Variants in ERAP1 observed in about 807,000 individuals in gnomAD.
ERAP1 encodes the protein endoplasmic reticulum aminopeptidase 1.
In ERAP1, 86 loss-of-function variants were observed where a neutral mutation model predicts 103.7. That is an observed-to-expected ratio of 0.83 (90% CI 0.70 to 0.99). The LOEUF is 0.99. Ranked by LOEUF, ERAP1 falls within the 50% of genes least tolerant of loss-of-function variation. ERAP1 has a pLI of 0.00. For synonymous variants in ERAP1, 398 were observed against 402.4 expected, an observed-to-expected ratio of 0.99 and a Z score of 0.13; for missense variants, 1,009 against 1,128.4, an observed-to-expected ratio of 0.89 and a Z score of 1.52.
rs1389162563 is a variant in ERAP1, at chr5:96,765,941, A to G, written c.2819-2713T>C. 4.5e-6 allele frequency: 3 copies of G among 662,610 alleles called. No homozygotes were observed. In the African/African-American group the frequency reaches 5.4e-5, roughly 12 times the overall value. The allele number at this position is 662,610 out of a possible 1,614,324, so 41.0% of individuals were successfully genotyped here. A position where few individuals can be genotyped will look rare whatever the true frequency, so the allele number is the denominator to read the frequency against. The stretch of plus-strand genomic sequence containing the variant: ...GTTGCTTAAAAAATAAAAACAGACC[A>G]TATGTTTTGCCTCATGAAAGTACAA... On this transcript the variant is annotated intron_variant, in intron 19 of 19. Transcript: ENST00000296754.
At position 96,785,858 on chromosome 5, in the gene ERAP1, T is replaced by C. The variant is rs1482027370; in HGVS notation, c.1873A>G (p.Lys625Glu). Residue 625 changes from lysine (K) to glutamate (E), a missense_variant, in exon 13 of 19, where the codon AAA becomes GAA. Physicochemically the swap from Lys to Glu is moderately conservative, Grantham distance 56 (BLOSUM62 1). Around this residue, in one of 3 missense-constraint regions of ERAP1, gnomAD observed 611 missense variants for 651.7 expected, o/e 0.94. Coordinates refer to ENST00000443439, the MANE Select transcript of ERAP1 (RefSeq NM_001040458.3). ...DGWDSLTGLL[K>E]GTHTAVSSND... ...CTGCTGACTGCTGTGTGTGTTCCTT[T>C]TAAAAGGCCAGTCAAAGAGTCCCAT... 5 of 1,614,152 alleles carry C rather than the reference T, an allele frequency of 3.1e-6. No individual in the cohort carries two copies. Among genetic ancestry groups the C allele is most frequent in the Middle Eastern group, 1.6e-4 (1 of 6,062 alleles).
chr5:96,865,721 C>T, the ERAP1 span, among the ~76,000 whole-genome samples: 8 of 152,224 alleles, frequency 5.3e-5, no homozygotes, highest in East Asian at 1.5e-3. Flanking sequence ...ATTTCTTTAA[C>T]TCTAACATTT....
chr5:96,797,407 T>C, intron 3 of ERAP1, 98 bp from the exon 4 acceptor site: 1 of 1,393,772 alleles, frequency 7.2e-7, no homozygotes, highest in Non-Finnish European at 1.0e-6. Context: ...TAAAAGTGTA[T>C]CAATCCCAGC....
At chr5:96,821,119 A>G in the ERAP1 span, among the ~76,000 whole-genome samples, 2 of 152,224 alleles carry the variant, frequency 1.3e-5, no homozygotes, top group Non-Finnish European at 2.9e-5. Context: ...GTTCAAAGGC[A>G]GTCTGGAGTC....
chr5:96,900,421 G>T, the ERAP1 span, among the ~76,000 whole-genome samples: 5 of 152,154 alleles, frequency 3.3e-5, no homozygotes, highest in African/African-American at 1.2e-4. Flanking sequence ...CAACCCCACT[G>T]CTAGCTAAAA....
the ERAP1 span, chr5:96,881,506 T>G: frequency 2.2e-6 from 1 of 455,876 alleles, no homozygotes; most frequent in Admixed American, 2.4e-5. Flanking sequence ...CTCAGTGCAC[T>G]CTCACGTTAT....
At chr5:96,851,397 T>C in the ERAP1 span, among the ~76,000 whole-genome samples, 3 of 152,156 alleles carry the variant, frequency 2.0e-5, no homozygotes, top group African/African-American at 7.2e-5. Flanking sequence ...ATTAATTAGA[T>C]TGTAAAATGA....
chr5:96,907,846 G>T, the ERAP1 span, among the ~76,000 whole-genome samples: 1 of 151,150 alleles, frequency 6.6e-6, no homozygotes, highest in African/African-American at 2.4e-5. Context: ...TTATGCCATT[G>T]TACTCCAGCC....
downstream of ERAP1, chr5:96,771,906 A>G (rs1772511796): frequency 2.4e-6 from 1 of 409,178 alleles, no homozygotes; most frequent in Non-Finnish European, 4.4e-6. Flanking sequence ...TGAAATGTTT[A>G]AAAACCTTAA....
At chr5:96,778,311 G>A (rs1334898899) in intron 18 of ERAP1, among the ~76,000 whole-genome samples, 1 of 152,220 alleles carries the variant, frequency 6.6e-6, no homozygotes, top group African/African-American at 2.4e-5. Context: ...CCAGGGGTAT[G>A]CTAGTAACTG....
intron 13 of ERAP1, 115 bp from the exon 14 acceptor site, chr5:96,784,195 T>A: frequency 1.7e-6 from 2 of 1,156,962 alleles, no homozygotes; most frequent in Non-Finnish European, 2.6e-6. Context: ...TAAATGTCCC[T>A]TATAAATAGA....
At chr5:96,882,987 G>C in the ERAP1 span, among the ~76,000 whole-genome samples, 1 of 152,080 alleles carries the variant, frequency 6.6e-6, no homozygotes, top group Admixed American at 6.6e-5. Flanking sequence ...TACAGTTTCA[G>C]GCATATCCTG....
chr5:96,891,800 C>T, the ERAP1 span, among the ~76,000 whole-genome samples: 2 of 151,858 alleles, frequency 1.3e-5, no homozygotes, highest in African/African-American at 2.4e-5. Flanking sequence ...AAATATCAAT[C>T]GAAATATTGA....
At chr5:96,910,783 G>T in the ERAP1 span, among the ~76,000 whole-genome samples, 3 of 152,144 alleles carry the variant, frequency 2.0e-5, no homozygotes, top group Admixed American at 6.5e-5. Context: ...TTTTAATGAA[G>T]AATTTCTTTA....
chr5:96,896,431 C>T, the ERAP1 span: 1 of 1,613,000 alleles, frequency 6.2e-7, no homozygotes, highest in South Asian at 1.1e-5. Flanking sequence ...TTGAATTCAT[C>T]CCGCCCTATC....
chr5:96,778,694 A>G (rs1423217044), intron 18 of ERAP1, among the ~76,000 whole-genome samples: 2 of 152,216 alleles, frequency 1.3e-5, no homozygotes, highest in Admixed American at 1.3e-4. Context: ...GCAGTCTTCA[A>G]TGTGGAAAAT....
the ERAP1 span, among the ~76,000 whole-genome samples, chr5:96,853,850 T>TAAAAA: frequency 6.4e-4 from 92 of 143,776 alleles, no homozygotes; most frequent in African/African-American, 2.1e-3. Flanking sequence ...TTAAAAGTTC[T>TAAAAA]AAAAAAAAAA....
At chr5:96,833,688 C>T in the ERAP1 span, among the ~76,000 whole-genome samples, 24 of 151,718 alleles carry the variant, frequency 1.6e-4, no homozygotes, top group Non-Finnish European at 8.8e-5. Flanking sequence ...ATCCCAGCTA[C>T]TTGGGAGGCT....
chr5:96,880,302 TTCC>T, the ERAP1 span: 3 of 1,532,648 alleles, frequency 2.0e-6, no homozygotes, highest in Non-Finnish European at 2.7e-6. Flanking sequence ...TTGTGATAAT[TTCC>T]TTACGAGTTA....
Sources: gnomAD v4.1 joint callset for allele counts (sites outside exome capture counted in the v4.1 genomes callset) on GRCh38, gnomAD v4.1.1 for gene constraint, gnomAD v4.1.1 regional missense constraint, MANE v1.5 for transcripts, NCBI Gene and HGNC (gene_info 2026-07-23, HGNC 2026-07-21) for gene names.